Variants in CFI observed in about 807,000 individuals in gnomAD.
The protein encoded by CFI is complement factor I, also known as C3B/C4B inactivator.
A neutral mutation model predicts 78.8 loss-of-function variants in CFI; 66 were observed. The ratio of observed to expected loss-of-function variants is 0.84; its 90% CI spans 0.69 to 1.03. The LOEUF is 1.03. Among genes scored for constraint, CFI ranks in the 50% least tolerant of loss-of-function variants. The pLI, the probability that CFI is intolerant of heterozygous loss-of-function variation, is 0.00. For synonymous variants in CFI, 250 were observed against 232.6 expected (o/e 1.07, Z -0.68); for missense variants, 706 against 704.5 (o/e 1.00, Z -0.02).
At chr4:109,776,368 A>G (rs903104034) in intron 1 of CFI, among the ~76,000 whole-genome samples, 1 of 152,228 alleles carries the variant, frequency 6.6e-6, no homozygotes, top group African/African-American at 2.4e-5. Flanking sequence ...AAGAAAGGGT[A>G]TCAATGATTG....
At chr4:109,735,959 G>A (rs1723347455), downstream of CFI, among the ~76,000 whole-genome samples, 1 of 152,206 alleles carries the variant, frequency 6.6e-6, no homozygotes, top group South Asian at 2.1e-4. Flanking sequence ...GACCGTTGCT[G>A]TGCAACCCAG....
chr4:109,759,332 G>C (rs1306020694), intron 6 of CFI, among the ~76,000 whole-genome samples: 2 of 151,710 alleles, frequency 1.3e-5, no homozygotes, highest in African/African-American at 2.4e-5. Flanking sequence ...GAATAAAGAA[G>C]ACTTTAAAAA....
At chr4:109,768,949 C>A (rs765399215) in intron 1 of CFI, among the ~76,000 whole-genome samples, 2 of 152,146 alleles carry the variant, frequency 1.3e-5, no homozygotes, top group African/African-American at 2.4e-5. Flanking sequence ...GCTTTTGACA[C>A]AGTGATCTAG....
At position 109,761,605 on chromosome 4, in the gene CFI, C is replaced by A. The variant is rs200086211; in HGVS notation, c.570G>T (p.Glu190Asp). The change falls in exon 4 of 13, where the codon GAG becomes GAT. Residue 190 changes from glutamate (E) to aspartate (D), a missense_variant. Glu to Asp is a conservative substitution (Grantham distance 45, BLOSUM62 2). Transcript: ENST00000394634. ...ECLHVHCRGL[E>D]TSLAECTFTK... ...TAAAAGTACATTCAGCCAAACTGGT[C>A]TCTAATCCTCGGCAATGCACATGTA... 31 of 1,613,918 alleles carry A rather than the reference C, an allele frequency of 1.9e-5. No individual in the cohort carries two copies. In the Admixed American group the frequency reaches 2.5e-4, roughly 13 times the overall value.
At chr4:109,763,145 T>C (rs894311785) in intron 3 of CFI, among the ~76,000 whole-genome samples, 1 of 152,142 alleles carries the variant, frequency 6.6e-6, no homozygotes, top group Non-Finnish European at 1.5e-5. Flanking sequence ...TGAGTAAGCA[T>C]TGCCTTAATA....
intron 1 of CFI, among the ~76,000 whole-genome samples, chr4:109,781,653 AT>A (rs1730051497): frequency 6.6e-6 from 1 of 152,186 alleles, no homozygotes; most frequent in Non-Finnish European, 1.5e-5. Flanking sequence ...TCCCCAATTC[AT>A]TCTGTGAAGC....
chr4:109,752,221 T>C (rs943904002), intron 8 of CFI, among the ~76,000 whole-genome samples: 1 of 152,212 alleles, frequency 6.6e-6, no homozygotes, highest in African/African-American at 2.4e-5. Flanking sequence ...TATGTATGAT[T>C]GGAGTATTGT....
At chr4:109,767,450 C>T (rs1393790038) in intron 1 of CFI, among the ~76,000 whole-genome samples, 1 of 151,608 alleles carries the variant, frequency 6.6e-6, no homozygotes, top group African/African-American at 2.4e-5. Flanking sequence ...AAACAAACAA[C>T]CCCATCAAAA....
At chr4:109,752,972 AT>A (rs763174699) in intron 7 of CFI, among the ~76,000 whole-genome samples, 109 of 108,084 alleles carry the variant, frequency 1.0e-3, no homozygotes, top group African/African-American at 2.5e-3. Flanking sequence ...TTATATATTT[AT>A]TATATGAATA....
chr4:109,733,796 G>T, the CFI span, among the ~76,000 whole-genome samples: 2 of 152,210 alleles, frequency 1.3e-5, no homozygotes, highest in Admixed American at 1.3e-4. Context: ...CCATATCCAA[G>T]AAGCTTATTC....
chr4:109,741,205 T>C, intron 12 of CFI, 95 bp from the exon 13 acceptor site: 1 of 1,593,836 alleles, frequency 6.3e-7, no homozygotes, highest in South Asian at 1.1e-5. Flanking sequence ...TTTGGCTTTT[T>C]TACAGTTTCC....
At chr4:109,766,845 A>T (rs1157406491) in intron 1 of CFI, 21 bp from the exon 2 acceptor site, 1 of 1,613,482 alleles carries the variant, frequency 6.2e-7, no homozygotes, top group Non-Finnish European at 8.5e-7. Context: ...CAAAATAAAC[A>T]TTAACTTAGC....
intron 2 of CFI, 128 bp from the exon 3 acceptor site, chr4:109,764,818 G>A: frequency 1.2e-6 from 1 of 835,498 alleles, no homozygotes; most frequent in Non-Finnish European, 1.9e-6. Flanking sequence ...ATTTTAACAA[G>A]TAATAGTAAG....
intron 7 of CFI, among the ~76,000 whole-genome samples, chr4:109,757,291 C>T (rs970856581): frequency 6.6e-6 from 1 of 151,948 alleles, no homozygotes; most frequent in Admixed American, 6.6e-5. Flanking sequence ...GCCTTGGCAT[C>T]CCAAAGTGCT....
At chr4:109,740,032 G>A (rs192086177), downstream of CFI, among the ~76,000 whole-genome samples, 8 of 152,292 alleles carry the variant, frequency 5.3e-5, no homozygotes, top group East Asian at 1.9e-4. Flanking sequence ...GGTGGCTCAC[G>A]CATGTTATCC....
At chr4:109,794,968 C>T (rs1268863540) in intron 1 of CFI, among the ~76,000 whole-genome samples, 1 of 151,978 alleles carries the variant, frequency 6.6e-6, no homozygotes, top group African/African-American at 2.4e-5. Flanking sequence ...CAACCATCTA[C>T]AAATAAAAAT....
rs756879142 is a variant in CFI at position 109,757,900 on chromosome 4, C to T, written c.884-117G>A. 2.7e-4 allele frequency: 376 copies of T among 1,372,254 alleles called. 1 individual carries two copies. The highest frequency in any genetic ancestry group is 6.0e-4 in the African/African-American group (41 of 68,018). The allele number at this position is 1,372,254 out of a possible 1,614,324, so 85.0% of individuals were successfully genotyped here. On this transcript the variant is annotated intron_variant, in intron 6 of 12. Coordinates refer to ENST00000394634, the MANE Select transcript of CFI (RefSeq NM_000204.5). Reference sequence around the variant, plus strand: ...CATTGCACCTTATTTCTGTTTTCTTCGGTAATATAATTTTTCTATTATAAA... The same window carrying T: ...CATTGCACCTTATTTCTGTTTTCTTTGGTAATATAATTTTTCTATTATAAA...
chr4:109,755,639 C>T (rs1426704431), intron 7 of CFI, among the ~76,000 whole-genome samples: 1 of 152,212 alleles, frequency 6.6e-6, no homozygotes, highest in Admixed American at 6.5e-5. Flanking sequence ...CAACCTCCTG[C>T]CATGGGTGAT....
At chr4:109,742,433 T>A in intron 12 of CFI, 58 bp downstream of exon 12, 1 of 1,126,956 alleles carries the variant, frequency 8.9e-7, no homozygotes, top group South Asian at 1.2e-5. Flanking sequence ...TGGGAGGAGA[T>A]GTTTGATAGG....
Sources: allele counts gnomAD v4.1 joint callset (sites outside exome capture counted in the v4.1 genomes callset), GRCh38; gene constraint gnomAD v4.1.1; transcripts MANE v1.5; gene names NCBI Gene and HGNC (gene_info 2026-07-23, HGNC 2026-07-21).